Variants in LDB2 observed in about 807,000 individuals in gnomAD.
LDB2 encodes the protein LIM domain-binding protein 2.
A neutral mutation model predicts 44.3 loss-of-function variants in LDB2; 12 were observed. That is an observed-to-expected ratio of 0.27 (90% CI 0.17 to 0.44). The LOEUF is 0.44. LDB2 is among the 20% of genes least tolerant of loss of function. LDB2 has a pLI of 1.00. For missense variants in LDB2, 344 were observed against 473.5 expected (o/e 0.73, Z 2.54); for synonymous variants, 164 against 174.8 (o/e 0.94, Z 0.49).
At position 16,502,482 on chromosome 4, in the gene LDB2, AAAAAAAGAAAG is replaced by A. The variant is rs1717769076; in HGVS notation, c.*150_*160del. Reference sequence around the variant, plus strand: ...TACTGGGAATAATCCTCTCAATTAGAAAAAAAGAAAGAAGAAAGAAAATCAGATCATTGTGG... The same window carrying A: ...TACTGGGAATAATCCTCTCAATTAGAAAGAAAGAAAATCAGATCATTGTGG... On this transcript the variant is annotated 3_prime_UTR_variant, in exon 8 of 8. Transcript: ENST00000304523. 9.3e-7 allele frequency: 1 copy of A among 1,078,870 alleles called. No homozygotes were observed. The highest frequency in any genetic ancestry group is 1.6e-5 in the African/African-American group (1 of 62,930). 66.8% of individuals were successfully genotyped at this position (1,078,870 alleles called of 1,614,324 possible).
At chr4:16,526,942 C>T (rs1728460825) in intron 5 of LDB2, among the ~76,000 whole-genome samples, 1 of 152,190 alleles carries the variant, frequency 6.6e-6, no homozygotes. Flanking sequence ...ACGGCAACTT[C>T]TAAGTGAAGA....
chr4:16,885,489 G>A (rs1392535056), intron 1 of LDB2, among the ~76,000 whole-genome samples: 1 of 152,116 alleles, frequency 6.6e-6, no homozygotes, highest in African/African-American at 2.4e-5. Context: ...ATCCAGTAAG[G>A]AAAACAGGAT....
intron 1 of LDB2, among the ~76,000 whole-genome samples, chr4:16,778,666 G>A (rs763342005): frequency 3.3e-5 from 5 of 152,146 alleles, no homozygotes; most frequent in Non-Finnish European, 7.3e-5. Context: ...AACAATATTA[G>A]CTCGCCATTT....
At chr4:16,586,096 A>T in intron 4 of LDB2, 91 bp from the exon 5 acceptor site, 1 of 923,592 alleles carries the variant, frequency 1.1e-6, no homozygotes, top group Non-Finnish European at 1.8e-6. Flanking sequence ...AAGAAATGCA[A>T]TCTCGACATT....
chr4:16,833,643 A>G (rs1008268240), intron 1 of LDB2, among the ~76,000 whole-genome samples: 4 of 151,838 alleles, frequency 2.6e-5, no homozygotes, highest in African/African-American at 7.3e-5. Flanking sequence ...CCTGGGTCCA[A>G]ATGATTCTCC....
In LDB2 at chr4:16,595,706, G is replaced by A. The variant is rs1181589368; in HGVS notation, c.405C>T (p.Thr135=). The change falls in exon 3 of 8, where the codon ACC becomes ACT. Residue 135 remains threonine (T), a synonymous_variant. Transcript: ENST00000304523. ...TGTGACAGAGCCTGTCCTGTACCTT[G>A]GTAAACATGGGCTTCCCGTGCTGGG... ...MVTQHGKPMF[T]KVCTEGRLIL... 2 of 1,612,874 alleles carry A rather than the reference G, an allele frequency of 1.2e-6. No individual in the cohort carries two copies. Among genetic ancestry groups the A allele is most frequent in the Non-Finnish European group, 1.7e-6 (2 of 1,179,566 alleles).
intron 1 of LDB2, among the ~76,000 whole-genome samples, chr4:16,818,976 G>T (rs1411707202): frequency 2.0e-5 from 3 of 152,222 alleles, no homozygotes; most frequent in Non-Finnish European, 4.4e-5. Context: ...CTTGAAATCA[G>T]TGTATTGTAT....
chr4:16,789,748 G>A (rs2109579006), intron 1 of LDB2, among the ~76,000 whole-genome samples: 1 of 152,266 alleles, frequency 6.6e-6, no homozygotes, highest in Middle Eastern at 3.4e-3. Flanking sequence ...TGGCCAATAT[G>A]GTGAAACCCC....
chr4:16,723,784 C>G (rs1398163875), intron 2 of LDB2, among the ~76,000 whole-genome samples: 1 of 152,094 alleles, frequency 6.6e-6, no homozygotes, highest in Non-Finnish European at 1.5e-5. Context: ...CATTTTCACA[C>G]TTGCTTTAGA....
chr4:16,749,567 A>AAT (rs1554000409), intron 2 of LDB2, among the ~76,000 whole-genome samples: 57 of 137,034 alleles, frequency 4.2e-4, no homozygotes, highest in East Asian at 3.9e-3. Context: ...TCAAAAAAAA[A>AAT]AAAAATAAAA....
intron 2 of LDB2, among the ~76,000 whole-genome samples, chr4:16,625,399 C>T (rs1310158577): frequency 6.6e-6 from 1 of 152,174 alleles, no homozygotes; most frequent in Non-Finnish European, 1.5e-5. Flanking sequence ...TGACAGAGCA[C>T]TTCTCCCACT....
In LDB2 at chr4:16,806,223, A is replaced by G. The variant is rs190227895; in HGVS notation, c.133-46963T>C. ...TTCCTGAGCAGCCAATTAACATTCT[A>G]CCTTCTTTGACTCCGCACAGCCAGA... On this transcript the variant is annotated intron_variant, in intron 1 of 7. Coordinates refer to ENST00000304523, the MANE Select transcript of LDB2 (RefSeq NM_001290.5). Among the ~76,000 whole-genome samples, 7 of 152,210 alleles carry G rather than the reference A, an allele frequency of 4.6e-5. No individual in the cohort carries two copies. In the East Asian group the frequency reaches 1.2e-3, roughly 25 times the overall value.
At chr4:16,735,560 G>C (rs1167273074) in intron 2 of LDB2, among the ~76,000 whole-genome samples, 5 of 129,078 alleles carry the variant, frequency 3.9e-5, no homozygotes, top group African/African-American at 5.9e-5. Flanking sequence ...TCAATAAATG[G>C]AGAACGGACA....
intron 2 of LDB2, among the ~76,000 whole-genome samples, chr4:16,676,720 C>T (rs1411824738): frequency 6.6e-6 from 1 of 152,200 alleles, no homozygotes; most frequent in Non-Finnish European, 1.5e-5. Context: ...AAGAATGGGA[C>T]ACTTGCTTTC....
At chr4:16,704,076 C>G (rs1261690472) in intron 2 of LDB2, among the ~76,000 whole-genome samples, 4 of 152,004 alleles carry the variant, frequency 2.6e-5, no homozygotes, top group African/African-American at 9.7e-5. Context: ...GAATCTGCAT[C>G]TTGAGTAGAG....
intron 2 of LDB2, among the ~76,000 whole-genome samples, chr4:16,599,373 A>G (rs531862508): frequency 5.3e-4 from 80 of 152,218 alleles, no homozygotes; most frequent in African/African-American, 1.8e-3. Context: ...CTGGCGAGGC[A>G]TCATTCTCAC....
At chr4:16,880,641 CTG>C (rs1219602730) in intron 1 of LDB2, among the ~76,000 whole-genome samples, 1 of 152,112 alleles carries the variant, frequency 6.6e-6, no homozygotes, top group Non-Finnish European at 1.5e-5. Context: ...GCCCTTGGCC[CTG>C]TGTCCTCTGC....
chr4:16,692,380 G>T (rs971227421), intron 2 of LDB2, among the ~76,000 whole-genome samples: 1 of 152,100 alleles, frequency 6.6e-6, no homozygotes, highest in Non-Finnish European at 1.5e-5. Context: ...CAAACAAAAA[G>T]TTAGGTATGA....
intron 1 of LDB2, among the ~76,000 whole-genome samples, chr4:16,896,410 G>GT (rs1725016850): frequency 6.6e-6 from 1 of 151,896 alleles, no homozygotes; most frequent in South Asian, 2.1e-4. Context: ...GAATCCTGCA[G>GT]TTTTTTTTAA....
Sources: allele counts gnomAD v4.1 joint callset (sites outside exome capture counted in the v4.1 genomes callset), GRCh38; gene constraint gnomAD v4.1.1; transcripts MANE v1.5; gene names NCBI Gene and HGNC (gene_info 2026-07-23, HGNC 2026-07-21).